The following MYO1D variants were observed in gnomAD, a reference collection of about 807,000 sequenced individuals.
MYO1D encodes the protein myosin ID, also known as unconventional myosin-Id.
In MYO1D, 83 loss-of-function variants were observed where a neutral mutation model predicts 122.0. That is an observed-to-expected ratio of 0.68 (90% CI 0.57 to 0.82). The LOEUF (loss-of-function observed/expected upper bound fraction) is 0.82. Among genes scored for constraint, MYO1D ranks in the 40% least tolerant of loss-of-function variants. The probability of loss-of-function intolerance (pLI) is 0.00; values close to 1 mark genes in which losing one functional copy is unlikely to be tolerated. For synonymous variants in MYO1D, 464 were observed against 446.9 expected (o/e 1.04, Z -0.48); for missense variants, 1,157 against 1,269.5 (o/e 0.91, Z 1.35).
chr17:32,644,211 T>C (rs1470451648), intron 19 of MYO1D, among the ~76,000 whole-genome samples: 2 of 152,216 alleles, frequency 1.3e-5, no homozygotes, highest in African/African-American at 2.4e-5. Flanking sequence ...TCAGTTTCCA[T>C]GTAGTTGAGC....
chr17:32,872,976 G>A (rs1486909916), intron 1 of MYO1D, among the ~76,000 whole-genome samples: 1 of 152,124 alleles, frequency 6.6e-6, no homozygotes, highest in Admixed American at 6.5e-5. Context: ...GATTACAGGC[G>A]TGAGCCACCG....
chr17:32,617,589 C>T (rs910975699), intron 20 of MYO1D, among the ~76,000 whole-genome samples: 3 of 152,062 alleles, frequency 2.0e-5, no homozygotes, highest in Admixed American at 6.6e-5. Context: ...TACAGGCACC[C>T]GCCACCATGC....
At chr17:32,755,386 T>C in intron 11 of MYO1D, 106 bp downstream of exon 11, 1 of 1,204,316 alleles carries the variant, frequency 8.3e-7, no homozygotes, top group Non-Finnish European at 1.2e-6. Flanking sequence ...TTCTTTCTTA[T>C]TAAAGGGGAC....
chr17:32,678,797 T>C lies in MYO1D; in HGVS notation c.2122-19459A>G, dbSNP rs1001342338. Among the ~76,000 whole-genome samples, 68 of 150,660 alleles carry C rather than the reference T, an allele frequency of 4.5e-4. 1 individual carries two copies. The highest frequency in any genetic ancestry group is 1.6e-3 in the African/African-American group (64 of 40,194). ...CCAGTAATGGGATGGCTGGGTCAAA[T>C]GGTATTTCTAGTTCTAGATCCCTGA... On this transcript the variant is annotated intron_variant, in intron 16 of 21. Coordinates refer to ENST00000318217, the MANE Select transcript of MYO1D (RefSeq NM_015194.3).
intron 20 of MYO1D, among the ~76,000 whole-genome samples, chr17:32,612,601 G>A (rs1280854809): frequency 2.0e-5 from 3 of 147,632 alleles, no homozygotes; most frequent in Non-Finnish European, 1.5e-5. Flanking sequence ...CAGGAGGATT[G>A]CTTGAGCCTA....
At chr17:32,796,320 T>C (rs1038595661) in intron 1 of MYO1D, among the ~76,000 whole-genome samples, 9 of 152,238 alleles carry the variant, frequency 5.9e-5, no homozygotes, top group African/African-American at 2.2e-4. Flanking sequence ...CTGGACCTGA[T>C]GTAGAAAACT....
rs1050982703 is a variant in MYO1D, at chr17:32,712,289, A to C, written c.1914-94T>G. ...TAAAATGCAAGACACCTCATAGAAA[A>C]CCAAATCTTAGCAAACTATCAATAG... On this transcript the variant is annotated intron_variant, in intron 15 of 21. Coordinates refer to ENST00000318217, the MANE Select transcript of MYO1D (RefSeq NM_015194.3). The C allele has an allele frequency of 3.1e-5, 35 of 1,119,298 alleles. No individual in the cohort carries two copies. In the Admixed American group the frequency reaches 7.5e-4, roughly 24 times the overall value. The allele number at this position is 1,119,298 out of a possible 1,614,324, so 69.3% of individuals were successfully genotyped here. A position where few individuals can be genotyped will look rare whatever the true frequency, so the allele number is the denominator to read the frequency against.
intron 16 of MYO1D, among the ~76,000 whole-genome samples, chr17:32,681,405 C>T (rs1276348486): frequency 2.8e-5 from 4 of 142,230 alleles, no homozygotes; most frequent in African/African-American, 7.9e-5. Flanking sequence ...ATAAATTTCC[C>T]TCTACACACT....
chr17:32,761,443 C>T lies in MYO1D; in HGVS notation c.1036-816G>A, dbSNP rs79712220. ...CATCACTCAACCTAGGTTTTCACTGCCTTCTTGGAACACTCTTCTCTCTGG... is the reference window on the plus strand; with the variant it reads ...CATCACTCAACCTAGGTTTTCACTGTCTTCTTGGAACACTCTTCTCTCTGG... On this transcript the variant is annotated intron_variant, in intron 8 of 21. Coordinates refer to ENST00000318217, the MANE Select transcript of MYO1D (RefSeq NM_015194.3). Among the ~76,000 whole-genome samples, 734 of 152,264 alleles carry T rather than the reference C, an allele frequency of 4.8e-3. 10 individuals are homozygous for T. Among genetic ancestry groups the T allele is most frequent in the African/African-American group, 0.014 (590 of 41,544 alleles).
At chr17:32,802,945 G>A (rs987874887) in intron 1 of MYO1D, among the ~76,000 whole-genome samples, 3 of 152,220 alleles carry the variant, frequency 2.0e-5, no homozygotes, top group Non-Finnish European at 4.4e-5. Context: ...TGGCCAAATC[G>A]CACTATTACA....
chr17:32,594,254 T>G (rs973977523), intron 21 of MYO1D: 2 of 278,698 alleles, frequency 7.2e-6, no homozygotes, highest in African/African-American at 4.3e-5. Context: ...CTCTGTAAGA[T>G]GTACCCTTAT....
At chr17:32,586,144 C>A (rs911311125) in intron 21 of MYO1D, among the ~76,000 whole-genome samples, 1 of 152,176 alleles carries the variant, frequency 6.6e-6, no homozygotes, top group African/African-American at 2.4e-5. Flanking sequence ...GAATGCATGC[C>A]ATGGAGAAAC....
chr17:32,699,590 C>T (rs1472545233), intron 16 of MYO1D, among the ~76,000 whole-genome samples: 2 of 152,126 alleles, frequency 1.3e-5, no homozygotes, highest in African/African-American at 4.8e-5. Flanking sequence ...GGTATGATAA[C>T]AGTATGAAGT....
At chr17:32,792,524 T>C (rs2090364460) in intron 1 of MYO1D, 1 of 152,234 alleles carries the variant, frequency 6.6e-6, no homozygotes, top group African/African-American at 2.4e-5. Context: ...TCTGCTTCTC[T>C]TGGCAAAAAT....
At chr17:32,782,576 A>G (rs1278024691) in intron 1 of MYO1D, among the ~76,000 whole-genome samples, 3 of 152,224 alleles carry the variant, frequency 2.0e-5, no homozygotes, top group Non-Finnish European at 4.4e-5. Flanking sequence ...TTTTTGTTTT[A>G]TAAACATTGC....
At chr17:32,828,673 G>A (rs2090745813) in intron 1 of MYO1D, among the ~76,000 whole-genome samples, 1 of 152,306 alleles carries the variant, frequency 6.6e-6, no homozygotes, top group Non-Finnish European at 1.5e-5. Flanking sequence ...AAAATGCTAT[G>A]TAAGCCAGTG....
chr17:32,530,530 G>A (rs1910476378), intron 21 of MYO1D, among the ~76,000 whole-genome samples: 1 of 152,256 alleles, frequency 6.6e-6, no homozygotes, highest in South Asian at 2.1e-4. Flanking sequence ...GCTTAGTGCA[G>A]TAGCTCACGC....
At chr17:32,671,938 A>T (rs540861391) in intron 16 of MYO1D, among the ~76,000 whole-genome samples, 2 of 152,350 alleles carry the variant, frequency 1.3e-5, no homozygotes, top group East Asian at 3.9e-4. Flanking sequence ...TCAGATTTTT[A>T]AAAATATTGC....
intron 21 of MYO1D, among the ~76,000 whole-genome samples, chr17:32,545,546 C>A (rs2086958588): frequency 6.6e-6 from 1 of 152,200 alleles, no homozygotes; most frequent in East Asian, 1.9e-4. Context: ...CACAGAGAAT[C>A]ATGACCGCTG....
Sources: allele counts gnomAD v4.1 joint callset (sites outside exome capture counted in the v4.1 genomes callset), GRCh38; gene constraint gnomAD v4.1.1; transcripts MANE v1.5; gene names NCBI Gene and HGNC (gene_info 2026-07-23, HGNC 2026-07-21).